Variants in ERCC1 observed in about 807,000 individuals in gnomAD.
ERCC1 encodes ERCC excision repair 1, endonuclease non-catalytic subunit.
Under a neutral mutation model 37.6 loss-of-function variants are expected in ERCC1, and 36 were observed. That is an observed-to-expected ratio of 0.96 (90% CI 0.73 to 1.26). The LOEUF is 1.26. Among genes scored for constraint, ERCC1 ranks in the 50% most tolerant of loss-of-function variants. ERCC1 has a pLI of 0.00. For synonymous variants in ERCC1, 156 were observed against 162.1 expected (o/e 0.96, Z 0.28); for missense variants, 349 against 376.5 (o/e 0.93, Z 0.60).
chr19:45,430,727 C>T (rs1974810849), intron 1 of ERCC1, among the ~76,000 whole-genome samples: 1 of 151,976 alleles, frequency 6.6e-6, no homozygotes, highest in South Asian at 2.1e-4. Context: ...ACCAGCCTGG[C>T]AAACATGGCA....
chr19:45,437,748 T>A (rs1262332513), intron 1 of ERCC1, among the ~76,000 whole-genome samples: 4 of 152,172 alleles, frequency 2.6e-5, no homozygotes, highest in Admixed American at 2.6e-4. Context: ...GGTGCAAAGT[T>A]TCAGCGAGAC....
chr19:45,425,891 T>C (rs1974678207), upstream of ERCC1, among the ~76,000 whole-genome samples: 2 of 152,222 alleles, frequency 1.3e-5, no homozygotes, highest in Admixed American at 1.3e-4. Context: ...TCTGTTTCTT[T>C]GTTCACATCA....
At chr19:45,424,842 C>T (rs188971862), upstream of ERCC1, among the ~76,000 whole-genome samples, 6 of 151,380 alleles carry the variant, frequency 4.0e-5, no homozygotes, top group Non-Finnish European at 5.9e-5. Context: ...ATTTATCAAT[C>T]TGTTCCGTTC....
At chr19:45,444,469 C>G (rs372225037) in intron 1 of ERCC1, among the ~76,000 whole-genome samples, 3 of 152,124 alleles carry the variant, frequency 2.0e-5, no homozygotes, top group Non-Finnish European at 2.9e-5. Flanking sequence ...GCCCCAGGGC[C>G]GCCAGATGAG....
intron 1 of ERCC1, among the ~76,000 whole-genome samples, chr19:45,431,287 T>G (rs1365780508): frequency 6.6e-6 from 1 of 152,178 alleles, no homozygotes; most frequent in East Asian, 1.9e-4. Context: ...TTCCTCTCAC[T>G]AAGTTTTTGT....
intron 1 of ERCC1, among the ~76,000 whole-genome samples, chr19:45,442,979 C>G (rs942864224): frequency 9.9e-5 from 15 of 152,060 alleles, no homozygotes; most frequent in African/African-American, 3.6e-4. Context: ...AGTGATTTGC[C>G]AACTGCCTTA....
intron 1 of ERCC1, among the ~76,000 whole-genome samples, chr19:45,446,763 G>A (rs1305992377): frequency 6.6e-6 from 1 of 152,166 alleles, no homozygotes; most frequent in Non-Finnish European, 1.5e-5. Context: ...ACTTTGGGAG[G>A]CCAAGGCGGG....
rs569455618 is a variant in ERCC1, at chr19:45,438,705, G to A, written c.-7-15324C>T. 1.1e-4 allele frequency among the ~76,000 whole-genome samples: 17 copies of A among 151,944 alleles called. No individual in the cohort carries two copies. The South Asian group carries it at 3.3e-3, about 30-fold the overall frequency. ...TGCCCAGGCTGGAGTGCAATGGCTG[G>A]ATCTCGGCTCAGCGTGACCTCCGCC... On this transcript the variant is annotated intron_variant, in intron 1 of 8. Transcript: ENST00000423698.
At chr19:45,442,049 T>A (rs1975134776) in intron 1 of ERCC1, among the ~76,000 whole-genome samples, 1 of 151,846 alleles carries the variant, frequency 6.6e-6, no homozygotes, top group Non-Finnish European at 1.5e-5. Context: ...GGCTCATGCC[T>A]GTAATCCCAC....
At chr19:45,416,956 G>T in intron 5 of ERCC1, 59 bp from the exon 6 acceptor site, 1 of 1,310,248 alleles carries the variant, frequency 7.6e-7, no homozygotes, top group Non-Finnish European at 1.1e-6. Context: ...AATTAGCCAG[G>T]CGTGGTGGCA....
chr19:45,423,953 A>T, upstream of ERCC1: 1 of 1,083,562 alleles, frequency 9.2e-7, no homozygotes, highest in Non-Finnish European at 1.1e-6. Context: ...AGAGTAGAGC[A>T]TAGAGCAGGG....
chr19:45,414,082 A>C (rs1273082339), intron 7 of ERCC1, 48 bp from the exon 8 acceptor site: 1 of 1,505,204 alleles, frequency 6.6e-7, no homozygotes, highest in Non-Finnish European at 9.2e-7. Context: ...AAGGCCAGCA[A>C]GACTGAGCCT....
At chr19:45,422,538 C>T (rs553270098) in intron 2 of ERCC1, among the ~76,000 whole-genome samples, 5 of 152,084 alleles carry the variant, frequency 3.3e-5, no homozygotes, top group African/African-American at 9.6e-5. Flanking sequence ...TTTGGGAGGC[C>T]GAGGTGGGCG....
At position 45,409,448 on chromosome 19, in the gene ERCC1, G is replaced by T; in HGVS notation, c.*227C>A. The T allele has an allele frequency of 6.2e-7, 1 of 1,613,108 alleles. No homozygotes were observed. Among genetic ancestry groups the T allele is most frequent in the Non-Finnish European group, 8.5e-7 (1 of 1,179,950 alleles). ...ACTGAATTCAGAGTCTGGGGAGGAG[G>T]CTCCCACAGGCCGGGACAAGAAGCG... On this transcript the variant is annotated 3_prime_UTR_variant, in exon 10 of 10. Coordinates refer to ENST00000300853, the MANE Select transcript of ERCC1 (RefSeq NM_001983.4).
At chr19:45,430,511 A>G (rs1010683879) in intron 1 of ERCC1, among the ~76,000 whole-genome samples, 3 of 152,080 alleles carry the variant, frequency 2.0e-5, no homozygotes, top group African/African-American at 7.2e-5. Context: ...TCCAGCATAC[A>G]TACATCTGGG....
chr19:45,447,957 T>G (rs1319016290), intron 1 of ERCC1, among the ~76,000 whole-genome samples: 1 of 151,962 alleles, frequency 6.6e-6, no homozygotes, highest in East Asian at 1.9e-4. Context: ...CTGCAACCTC[T>G]GCCTCCCAGG....
intron 1 of ERCC1, among the ~76,000 whole-genome samples, chr19:45,435,240 T>C (rs1974945545): frequency 6.6e-6 from 1 of 152,024 alleles, no homozygotes; most frequent in South Asian, 2.1e-4. Flanking sequence ...TTCAAACACT[T>C]CCAGGACTAT....
Position 45,423,246 on chromosome 19 carries a change from G to A in ERCC1, c.105+24C>T, listed in dbSNP as rs776913002. 5.6e-6 allele frequency: 9 copies of A among 1,603,994 alleles called. 1 individual carries two copies. In the East Asian group the frequency reaches 1.1e-4, roughly 20 times the overall value. On this transcript the variant is annotated intron_variant, in intron 2 of 9. Transcript: ENST00000300853. Reference sequence around the variant, plus strand: ...GTCCTAACAGCCCCCAGCCTCCCAGGGGCCCCGCATCTCCTTGTCCTACCA... The same window carrying A: ...GTCCTAACAGCCCCCAGCCTCCCAGAGGCCCCGCATCTCCTTGTCCTACCA...
At chr19:45,447,294 A>C (rs911226742) in intron 1 of ERCC1, among the ~76,000 whole-genome samples, 5 of 84,218 alleles carry the variant, frequency 5.9e-5, no homozygotes, top group African/African-American at 2.3e-4. Context: ...TTTTTTTTTG[A>C]GACAGAGATT....
Sources: gnomAD v4.1 joint callset for allele counts (sites outside exome capture counted in the v4.1 genomes callset) on GRCh38, gnomAD v4.1.1 for gene constraint, MANE v1.5 for transcripts, NCBI Gene and HGNC (gene_info 2026-07-23, HGNC 2026-07-21) for gene names.